TAF2: variants seen among roughly 807,000 people sequenced by gnomAD.
The protein encoded by TAF2 is TATA-box binding protein associated factor 2.
A neutral mutation model predicts 138.5 loss-of-function variants in TAF2; 61 were observed. The observed-to-expected ratio is 0.44, with a 90% CI of 0.36 to 0.54. The LOEUF is 0.54. Among genes scored for constraint, TAF2 ranks in the 20% least tolerant of loss-of-function variants. TAF2 has a pLI of 0.00. For synonymous variants in TAF2, 475 were observed against 469.9 expected (o/e 1.01, Z -0.14); for missense variants, 1,090 against 1,427.9 (o/e 0.76, Z 3.81).
Position 119,781,172 on chromosome 8 carries a change from T to G in TAF2, c.2134A>C (p.Thr712Pro). 6.2e-7 allele frequency: 1 copy of G among 1,614,142 alleles called. No homozygotes were observed. The highest frequency in any genetic ancestry group is 8.5e-7 in the Non-Finnish European group (1 of 1,180,020). ...TTCATGGCTGGTGGTCCTGTCCATG[T>G]GCTCACCATTGAATTTGCAATCTGC... ...LAKIANSMVS[T>P]WTGPPAMKSL... The change falls in exon 17 of 26, where the codon ACA (threonine) becomes CCA (proline). Residue 712 changes from threonine to proline, a missense_variant. By Grantham distance (38) the Thr-to-Pro change is conservative. Around this residue, in one of 3 missense-constraint regions of TAF2, gnomAD observed 580 missense variants for 719.6 expected, o/e 0.81. Coordinates refer to ENST00000378164, the MANE Select transcript of TAF2 (RefSeq NM_003184.4).
Position 119,746,945 on chromosome 8 carries a change from A to C in TAF2, c.2879-11T>G. ...AGTCATGTGAAGTACCTAAAAAGTAAGTAATAAAGAAATGAGTCAATATGC... is the reference window on the plus strand; with the variant it reads ...AGTCATGTGAAGTACCTAAAAAGTACGTAATAAAGAAATGAGTCAATATGC... On this transcript the variant is annotated splice_polypyrimidine_tract_variant and intron_variant, in intron 22 of 25. Coordinates refer to ENST00000378164, the MANE Select transcript of TAF2 (RefSeq NM_003184.4). 1 of 1,613,538 alleles carries C rather than the reference A, an allele frequency of 6.2e-7. No homozygotes were observed.
At chr8:119,740,490 C>CT (rs1478817623) in intron 25 of TAF2, among the ~76,000 whole-genome samples, 7 of 85,874 alleles carry the variant, frequency 8.2e-5, no homozygotes, top group African/African-American at 2.9e-4. Context: ...CCTGTCTCTA[C>CT]TAAAAAAAAA....
intron 5 of TAF2, among the ~76,000 whole-genome samples, chr8:119,802,603 G>A (rs1005005376): frequency 6.6e-6 from 1 of 152,106 alleles, no homozygotes; most frequent in African/African-American, 2.4e-5. Context: ...CCCTGGTTTA[G>A]AGAAGTTATT....
intron 1 of TAF2, among the ~76,000 whole-genome samples, chr8:119,832,015 C>A (rs1826481521): frequency 6.6e-6 from 1 of 152,050 alleles, no homozygotes; most frequent in South Asian, 2.1e-4. Context: ...AAAAGTTAGC[C>A]GGGCATCGTG....
chr8:119,761,511 CA>C (rs1404451241), intron 19 of TAF2: 1 of 152,002 alleles, frequency 6.6e-6, no homozygotes, highest in East Asian at 1.9e-4. Flanking sequence ...TAAAAGAAAA[CA>C]AATTCCAGCT....
At chr8:119,742,713 A>G (rs1819682426) in intron 24 of TAF2, 57 bp from the exon 25 acceptor site, 2 of 1,596,222 alleles carry the variant, frequency 1.3e-6, no homozygotes, top group Admixed American at 3.5e-5. Context: ...CCCAAAAGAA[A>G]AAAAAAGGCT....
Position 119,758,152 on chromosome 8 carries a change from A to G in TAF2, c.2699-10T>C. 3 of 1,598,328 alleles carry G rather than the reference A, an allele frequency of 1.9e-6. No individual in the cohort carries two copies. Among genetic ancestry groups the G allele is most frequent in the Non-Finnish European group, 2.6e-6 (3 of 1,167,212 alleles). On this transcript the variant is annotated splice_polypyrimidine_tract_variant and intron_variant, in intron 20 of 25. Coordinates refer to ENST00000378164, the MANE Select transcript of TAF2 (RefSeq NM_003184.4). Reference sequence around the variant, plus strand: ...TCATAACTTCTGTCCACTGAAAATAAAAGAAAATATATTTGTTGTTAATTA... The same window carrying G: ...TCATAACTTCTGTCCACTGAAAATAGAAGAAAATATATTTGTTGTTAATTA...
chr8:119,804,276 G>A (rs897469805), intron 4 of TAF2, among the ~76,000 whole-genome samples: 1 of 151,960 alleles, frequency 6.6e-6, no homozygotes, highest in African/African-American at 2.4e-5. Context: ...CTTTGGTTAC[G>A]CCATATCCTC....
intron 24 of TAF2, 23 bp downstream of exon 24, chr8:119,744,265 T>G: frequency 6.3e-7 from 1 of 1,595,670 alleles, no homozygotes; most frequent in Non-Finnish European, 8.6e-7. Context: ...ATCTCCTCAA[T>G]GATTGCAGAA....
intron 4 of TAF2, among the ~76,000 whole-genome samples, chr8:119,805,761 T>C (rs28551477): frequency 0.3 from 45,142 of 151,798 alleles, 7,759 homozygotes; most frequent in African/African-American, 0.47. Context: ...GTGAAATAAA[T>C]TGCTTTTTTC....
intron 9 of TAF2, among the ~76,000 whole-genome samples, chr8:119,794,063 T>C (rs1220118554): frequency 6.6e-6 from 1 of 151,996 alleles, no homozygotes; most frequent in South Asian, 2.1e-4. Flanking sequence ...AAGCTGGAAC[T>C]ACAGGCACAT....
In TAF2 at chr8:119,824,547, T is replaced by C. The variant is rs544826985; in HGVS notation, c.139-5041A>G. Reference sequence around the variant, plus strand: ...TTAATCCCCAAGAAAATGGGGAAAATGATGTCTCCAGGGCATGTCAGAGGT... The same window carrying C: ...TTAATCCCCAAGAAAATGGGGAAAACGATGTCTCCAGGGCATGTCAGAGGT... On this transcript the variant is annotated intron_variant, in intron 2 of 25. Transcript: ENST00000378164. 1.0e-3 allele frequency among the ~76,000 whole-genome samples: 152 copies of C among 152,056 alleles called. 1 individual carries two copies. The highest frequency in any genetic ancestry group is 2.2e-3 in the Admixed American group (33 of 15,270).
intron 19 of TAF2, among the ~76,000 whole-genome samples, chr8:119,762,197 T>C (rs1374037566): frequency 6.6e-6 from 1 of 152,178 alleles, no homozygotes; most frequent in Non-Finnish European, 1.5e-5. Flanking sequence ...ACATATACAG[T>C]ATAATCTCAA....
Position 119,733,797 on chromosome 8 carries a change from T to C in TAF2, c.3338-1611A>G, listed in dbSNP as rs1341411293. ...TTAAATCCGCCCCCCCCCATCCTAA[T>C]CCTGTCTGCAACTGTATTAATTCAG... On this transcript the variant is annotated intron_variant, in intron 25 of 25. Transcript: ENST00000378164. Among the ~76,000 whole-genome samples the C allele has an allele frequency of 3.3e-5, 5 of 149,950 alleles. No individual in the cohort carries two copies. The East Asian group carries it at 9.7e-4, about 29-fold the overall frequency.
chr8:119,792,458 T>C (rs1451851045), intron 10 of TAF2, among the ~76,000 whole-genome samples: 1 of 152,232 alleles, frequency 6.6e-6, no homozygotes, highest in East Asian at 1.9e-4. Context: ...GCCAGAAGAA[T>C]TTCTACATGA....
chr8:119,751,976 T>C (rs1410338562), intron 22 of TAF2, among the ~76,000 whole-genome samples: 2 of 152,228 alleles, frequency 1.3e-5, no homozygotes, highest in South Asian at 4.1e-4. Context: ...TGTCGATATG[T>C]AGAATGACCT....
chr8:119,802,140 A>G (rs1335829545), intron 5 of TAF2, 115 bp from the exon 6 acceptor site: 12 of 884,226 alleles, frequency 1.4e-5, no homozygotes, highest in Admixed American at 1.2e-4. Flanking sequence ...ACCTTTAGCT[A>G]TTTGGCTACT....
chr8:119,742,682 G>C (rs1469432236), intron 24 of TAF2, 26 bp from the exon 25 acceptor site: 4 of 1,612,228 alleles, frequency 2.5e-6, no homozygotes, highest in African/African-American at 2.7e-5. Flanking sequence ...AGAGAAAAAA[G>C]AGGGATTTAT....
chr8:119,775,074 A>G (rs2131108398), intron 18 of TAF2, among the ~76,000 whole-genome samples: 1 of 152,044 alleles, frequency 6.6e-6, no homozygotes, highest in Non-Finnish European at 1.5e-5. Flanking sequence ...AGGTCAAGAG[A>G]ACGAGACCAT....
Sources: gnomAD v4.1 joint callset for allele counts (sites outside exome capture counted in the v4.1 genomes callset) on GRCh38, gnomAD v4.1.1 for gene constraint, gnomAD v4.1.1 regional missense constraint, MANE v1.5 for transcripts, NCBI Gene and HGNC (gene_info 2026-07-23, HGNC 2026-07-21) for gene names.